Variants in RBFOX1 observed in about 807,000 individuals in gnomAD.
The protein encoded by RBFOX1 is RNA binding protein fox-1 homolog 1.
Under a neutral mutation model 57.7 loss-of-function variants are expected in RBFOX1, and 8 were observed. The observed-to-expected ratio is 0.14, with a 90% confidence interval of 0.08 to 0.25. RBFOX1 has a LOEUF of 0.25. RBFOX1 is among the 10% of genes least tolerant of loss of function. The probability of loss-of-function intolerance (pLI) is 1.00; values close to 1 mark genes in which losing one functional copy is unlikely to be tolerated. For missense variants in RBFOX1, 611 were observed against 548.5 expected (o/e 1.11, Z -1.14); for synonymous variants, 326 against 222.4 (o/e 1.47, Z -4.15).
chr16:6,294,048 G>A (rs1041086994), intron 1 of RBFOX1, among the ~76,000 whole-genome samples: 1 of 152,154 alleles, frequency 6.6e-6, no homozygotes, highest in East Asian at 1.9e-4. Flanking sequence ...TAGGTGTGGT[G>A]GTATGAACCT....
intron 3 of RBFOX1, among the ~76,000 whole-genome samples, chr16:6,921,533 A>G (rs1398604972): frequency 1.3e-5 from 2 of 152,092 alleles, no homozygotes; most frequent in African/African-American, 4.8e-5. Flanking sequence ...GTTCCTTCCT[A>G]CATGGCCTTT....
chr16:6,424,557 C>G lies in RBFOX1; in HGVS notation c.-64+107500C>G, dbSNP rs77515067. ...CACTTTAAAGAATTATCCAACTTCA[C>G]TTGTTAATAGTGCTGAGGTTGAGAA... On this transcript the variant is annotated intron_variant, in intron 2 of 15. Coordinates refer to ENST00000550418, the MANE Select transcript of RBFOX1 (RefSeq NM_018723.4). Among the ~76,000 whole-genome samples, 454 of 151,986 alleles carry G rather than the reference C, an allele frequency of 3.0e-3. 3 individuals are homozygous for G. Among genetic ancestry groups the G allele is most frequent in the African/African-American group, 9.1e-3 (377 of 41,436 alleles).
At chr16:7,250,663 A>G (rs1435930424) in intron 4 of RBFOX1, among the ~76,000 whole-genome samples, 2 of 152,022 alleles carry the variant, frequency 1.3e-5, no homozygotes, top group East Asian at 3.9e-4. Context: ...TTACCATTAG[A>G]CTCTTGAAGG....
At chr16:7,674,451 G>T (rs1311084600) in intron 13 of RBFOX1, among the ~76,000 whole-genome samples, 3 of 152,154 alleles carry the variant, frequency 2.0e-5, no homozygotes, top group African/African-American at 7.2e-5. Flanking sequence ...TCTCCAAGTG[G>T]TCTACTGCAC....
intron 1 of RBFOX1, among the ~76,000 whole-genome samples, chr16:6,196,717 T>C (rs1313426110): frequency 6.6e-6 from 1 of 152,228 alleles, no homozygotes; most frequent in Non-Finnish European, 1.5e-5. Context: ...TAGAATTTAT[T>C]CAGGCAATTT....
chr16:5,743,065 C>T (rs911603283), intron 3 of RBFOX1, among the ~76,000 whole-genome samples: 2 of 152,048 alleles, frequency 1.3e-5, no homozygotes, highest in African/African-American at 4.8e-5. Context: ...TCTCCAAGTG[C>T]TTTTCTCAAA....
intron 2 of RBFOX1, among the ~76,000 whole-genome samples, chr16:5,486,531 G>A (rs2042633103): frequency 6.6e-6 from 1 of 152,204 alleles, no homozygotes; most frequent in African/African-American, 2.4e-5. Flanking sequence ...AGTGACAACA[G>A]GCGTTTGGAA....
intron 3 of RBFOX1, among the ~76,000 whole-genome samples, chr16:6,962,409 A>C (rs887416990): frequency 6.6e-6 from 1 of 152,056 alleles, no homozygotes; most frequent in Non-Finnish European, 1.5e-5. Flanking sequence ...GATAAATTCA[A>C]CCTGCTACAA....
chr16:7,354,086 C>A (rs138750163), intron 4 of RBFOX1, among the ~76,000 whole-genome samples: 4 of 151,994 alleles, frequency 2.6e-5, no homozygotes, highest in African/African-American at 7.3e-5. Flanking sequence ...ATTCTCCTGC[C>A]TCAGCCTCCT....
intron 1 of RBFOX1, among the ~76,000 whole-genome samples, chr16:5,369,738 C>T (rs2065812627): frequency 6.6e-6 from 1 of 152,220 alleles, no homozygotes; most frequent in Non-Finnish European, 1.5e-5. Flanking sequence ...GTTGAAGCCA[C>T]CCTTTCCCTT....
At chr16:7,602,916 A>C (rs2095114047) in intron 9 of RBFOX1, among the ~76,000 whole-genome samples, 1 of 152,216 alleles carries the variant, frequency 6.6e-6, no homozygotes, top group Non-Finnish European at 1.5e-5. Flanking sequence ...ATAAAACTAG[A>C]AATGAATAGC....
At position 6,388,115 on chromosome 16, in the gene RBFOX1, G is replaced by A. The variant is rs528642386; in HGVS notation, c.-64+71058G>A. On this transcript the variant is annotated intron_variant, in intron 2 of 15. Coordinates refer to ENST00000550418, the MANE Select transcript of RBFOX1 (RefSeq NM_018723.4). ...CTGCCTCAGCCTCCCGAGTAGCTGG[G>A]ACTACAGGTGCATGCTAATTTTTTG... Among the ~76,000 whole-genome samples the A allele has an allele frequency of 9.9e-5, 15 of 151,752 alleles. 1 individual carries two copies. The South Asian group carries it at 3.1e-3, about 32-fold the overall frequency.
At chr16:7,537,219 T>A (rs1365770086) in intron 5 of RBFOX1, among the ~76,000 whole-genome samples, 1 of 152,220 alleles carries the variant, frequency 6.6e-6, no homozygotes, top group African/African-American at 2.4e-5. Context: ...ATGAGAGATG[T>A]TGATAGGAAC....
intron 2 of RBFOX1, among the ~76,000 whole-genome samples, chr16:6,493,793 T>C (rs1042654370): frequency 6.6e-6 from 1 of 152,218 alleles, no homozygotes; most frequent in Admixed American, 6.5e-5. Context: ...ACCTGTGCAC[T>C]TCACTCGGCA....
At chr16:6,833,208 C>G (rs79825340) in intron 3 of RBFOX1, among the ~76,000 whole-genome samples, 1,899 of 151,542 alleles carry the variant, frequency 0.013, 46 homozygotes, top group African/African-American at 0.043. Context: ...TTCTGTCACC[C>G]AGGGTGGAGT....
At chr16:6,221,433 G>C (rs896837809) in intron 1 of RBFOX1, among the ~76,000 whole-genome samples, 4 of 152,138 alleles carry the variant, frequency 2.6e-5, no homozygotes, top group African/African-American at 9.7e-5. Context: ...ATAACACTTA[G>C]AGAGCCATGA....
intron 1 of RBFOX1, among the ~76,000 whole-genome samples, chr16:6,075,737 A>G (rs1033203518): frequency 3.9e-5 from 6 of 152,238 alleles, no homozygotes; most frequent in Non-Finnish European, 8.8e-5. Flanking sequence ...GATTAAATCA[A>G]AGTCCCAGAA....
chr16:6,759,801 G>A (rs1567137138), intron 3 of RBFOX1, among the ~76,000 whole-genome samples: 1 of 152,124 alleles, frequency 6.6e-6, no homozygotes, highest in South Asian at 2.1e-4. Context: ...ATGTGGCTAT[G>A]AGGATGTTTA....
chr16:5,551,052 C>G (rs995559882), intron 2 of RBFOX1, among the ~76,000 whole-genome samples: 6 of 152,152 alleles, frequency 3.9e-5, no homozygotes, highest in African/African-American at 1.4e-4. Context: ...GGAGGCAACC[C>G]TGGGTCCTAA....
Sources: allele counts gnomAD v4.1 joint callset (sites outside exome capture counted in the v4.1 genomes callset), GRCh38; gene constraint gnomAD v4.1.1; transcripts MANE v1.5; gene names NCBI Gene and HGNC (gene_info 2026-07-23, HGNC 2026-07-21).